The following CPM variants were observed in gnomAD, a reference collection of about 807,000 sequenced individuals.
The protein encoded by CPM is renal carboxypeptidase.
In CPM, 35 loss-of-function variants were observed where a neutral mutation model predicts 46.4. That is an observed-to-expected ratio of 0.75 (90% CI 0.58 to 1.00). CPM has a LOEUF of 1.00. Among genes scored for constraint, CPM ranks in the 50% least tolerant of loss-of-function variants. The pLI, the probability that CPM is intolerant of heterozygous loss-of-function variation, is 0.00. For missense variants in CPM, 422 were observed against 530.4 expected, an observed-to-expected ratio of 0.80 and a Z score of 2.01; for synonymous variants, 195 against 195.3, an observed-to-expected ratio of 1.00 and a Z score of 0.01.
intron 2 of CPM, among the ~76,000 whole-genome samples, chr12:68,894,519 T>TTCTGC (rs1205005568): frequency 1.4e-4 from 21 of 152,290 alleles, no homozygotes; most frequent in African/African-American, 4.8e-4. Context: ...TGCACCCTAG[T>TTCTGC]ACCCTAGGCA....
chr12:68,955,504 T>TG (rs66949427), intron 1 of CPM, among the ~76,000 whole-genome samples: 128 of 149,182 alleles, frequency 8.6e-4, no homozygotes, highest in African/African-American at 2.4e-3. Flanking sequence ...TGTGTGGGGG[T>TG]GGGGGGGGCA....
intron 5 of CPM, chr12:68,843,280 C>G (rs900997479): frequency 2.2e-5 from 5 of 226,662 alleles, no homozygotes; most frequent in Non-Finnish European, 4.3e-5. Context: ...AGTACTAATC[C>G]CTTTGGCCAT....
chr12:68,952,023 G>A (rs145313259), intron 1 of CPM, among the ~76,000 whole-genome samples: 154 of 152,218 alleles, frequency 1.0e-3, no homozygotes, highest in African/African-American at 3.6e-3. Context: ...TCTCCTCTCC[G>A]GGACATGTTG....
At chr12:68,883,336 C>T (rs1185700437) in intron 3 of CPM, among the ~76,000 whole-genome samples, 2 of 152,202 alleles carry the variant, frequency 1.3e-5, no homozygotes, top group East Asian at 3.8e-4. Context: ...GACTTCTCTG[C>T]TCCAATGTTA....
chr12:68,927,308 T>G (rs1179372845), intron 2 of CPM, among the ~76,000 whole-genome samples: 2 of 151,436 alleles, frequency 1.3e-5, no homozygotes, highest in African/African-American at 2.4e-5. Context: ...ATTTCTCTGA[T>G]GGCCAGTGAT....
At chr12:68,914,779 A>G (rs1887739006) in intron 2 of CPM, among the ~76,000 whole-genome samples, 1 of 152,134 alleles carries the variant, frequency 6.6e-6, no homozygotes, top group African/African-American at 2.4e-5. Flanking sequence ...TCCAGGCTCT[A>G]GAGACCAGGC....
chr12:68,934,180 T>C (rs951861569), upstream of CPM, among the ~76,000 whole-genome samples: 1 of 151,948 alleles, frequency 6.6e-6, no homozygotes, highest in Non-Finnish European at 1.5e-5. Context: ...GTCAGGGTAT[T>C]GGGGGCCCGT....
intron 3 of CPM, among the ~76,000 whole-genome samples, chr12:68,877,797 T>C (rs775595507): frequency 6.6e-6 from 1 of 152,202 alleles, no homozygotes. Flanking sequence ...GTTGGGAACC[T>C]CTACTGCATG....
In CPM at chr12:68,891,258, G is replaced by A. The variant is rs955139722; in HGVS notation, c.161-5369C>T. Among the ~76,000 whole-genome samples, 7 of 152,338 alleles carry A rather than the reference G, an allele frequency of 4.6e-5. No homozygotes were observed. In the East Asian group the frequency reaches 1.3e-3, roughly 29 times the overall value. On this transcript the variant is annotated intron_variant, in intron 2 of 8. Coordinates refer to ENST00000551568, the MANE Select transcript of CPM (RefSeq NM_198320.5). ...ACGCAAAGCCCACATTGAATAATGA[G>A]TGAATCCACAGAAGAGTTGAAAATC...
intron 3 of CPM, among the ~76,000 whole-genome samples, chr12:68,884,182 C>T (rs1306991028): frequency 6.8e-6 from 1 of 147,890 alleles, no homozygotes; most frequent in Admixed American, 6.8e-5. Flanking sequence ...GACAAGATAG[C>T]AAAAGGGAAA....
At chr12:68,956,973 A>G (rs992210138) in intron 1 of CPM, among the ~76,000 whole-genome samples, 1 of 152,152 alleles carries the variant, frequency 6.6e-6, no homozygotes, top group African/African-American at 2.4e-5. Context: ...TCCTATGAAC[A>G]ATGGTGCTAA....
At chr12:68,907,493 G>A (rs1887401638) in intron 2 of CPM, among the ~76,000 whole-genome samples, 1 of 152,132 alleles carries the variant, frequency 6.6e-6, no homozygotes, top group Admixed American at 6.5e-5. Flanking sequence ...ATGCACAGTA[G>A]GCAAACACAT....
intron 1 of CPM, among the ~76,000 whole-genome samples, chr12:68,953,591 C>T (rs1358631094): frequency 2.0e-5 from 3 of 152,144 alleles, no homozygotes; most frequent in Admixed American, 6.5e-5. Flanking sequence ...CCCATGAGTG[C>T]CTTCTCTGCC....
In CPM at chr12:68,853,728, A is replaced by G. The variant is rs903865408; in HGVS notation, c.*2709T>C. ...CTGGGGATTAAGTAAAAAAAAGAGA[A>G]AGAAGGATGGGAAGGGGAGGGAAGG... On this transcript the variant is annotated 3_prime_UTR_variant, in exon 9 of 9. Coordinates refer to ENST00000551568, the MANE Select transcript of CPM (RefSeq NM_198320.5). 1.3e-5 allele frequency: 2 copies of G among 151,854 alleles called. No homozygotes were observed. Among genetic ancestry groups the G allele is most frequent in the Non-Finnish European group, 2.9e-5 (2 of 67,960 alleles). The allele number at this position is 151,854 out of a possible 1,614,324, so 9.4% of individuals were successfully genotyped here.
chr12:68,926,772 T>C (rs1267865406), intron 2 of CPM, among the ~76,000 whole-genome samples: 1 of 152,090 alleles, frequency 6.6e-6, no homozygotes. Context: ...TCCAATGTGT[T>C]CTCATTGTTC....
chr12:68,845,479 T>C (rs1029981893), intron 5 of CPM: 2 of 204,908 alleles, frequency 9.8e-6, no homozygotes, highest in African/African-American at 4.6e-5. Flanking sequence ...TCTGAAATGA[T>C]TGCTGTACTC....
chr12:68,941,189 G>GTGTGTGTA (rs1322230177), intron 1 of CPM, among the ~76,000 whole-genome samples: 2 of 151,434 alleles, frequency 1.3e-5, no homozygotes, highest in Non-Finnish European at 2.9e-5. Flanking sequence ...GTGTGTGTGT[G>GTGTGTGTA]TGTGTGTGTG....
chr12:68,872,095 TC>T, intron 3 of CPM, 139 bp from the exon 4 acceptor site: 1 of 861,164 alleles, frequency 1.2e-6, no homozygotes, highest in Non-Finnish European at 1.8e-6. Context: ...TCACTCTTTC[TC>T]AAGCATGCTT....
chr12:68,907,626 C>T (rs994738645), intron 2 of CPM, among the ~76,000 whole-genome samples: 3 of 152,124 alleles, frequency 2.0e-5, no homozygotes, highest in Non-Finnish European at 4.4e-5. Flanking sequence ...GTTAGCCCAG[C>T]GGCTCCCACT....
Sources: allele counts gnomAD v4.1 joint callset (sites outside exome capture counted in the v4.1 genomes callset), GRCh38; gene constraint gnomAD v4.1.1; transcripts MANE v1.5; gene names NCBI Gene and HGNC (gene_info 2026-07-23, HGNC 2026-07-21).